Variants in TECRL observed in about 807,000 individuals in gnomAD.
TECRL encodes trans-2,3-enoyl-CoA reductase like.
In TECRL, 63 loss-of-function variants were observed where a neutral mutation model predicts 52.8. The ratio of observed to expected loss-of-function variants is 1.19; its 90% confidence interval spans 0.97 to 1.47. The LOEUF (loss-of-function observed/expected upper bound fraction) is 1.47, where lower values mean the gene tolerates loss of function less well. Ranked by LOEUF, TECRL falls within the 40% of genes most tolerant of loss-of-function variation. TECRL has a pLI of 0.00. For missense variants in TECRL, 482 were observed against 429.6 expected (o/e 1.12, Z -1.08); for synonymous variants, 164 against 141.9 (o/e 1.16, Z -1.10).
intron 8 of TECRL, among the ~76,000 whole-genome samples, chr4:64,294,176 G>A (rs1380341817): frequency 2.0e-5 from 3 of 151,342 alleles, no homozygotes; most frequent in African/African-American, 4.9e-5. Context: ...TAGTAGAGAC[G>A]GGGTTTCACC....
intron 2 of TECRL, among the ~76,000 whole-genome samples, chr4:64,342,608 G>C (rs1276229186): frequency 6.6e-6 from 1 of 151,976 alleles, no homozygotes; most frequent in African/African-American, 2.4e-5. Flanking sequence ...ATTATACTCT[G>C]TTGTTGTTTT....
At chr4:64,313,168 A>T (rs1717182270) in intron 5 of TECRL, among the ~76,000 whole-genome samples, 1 of 152,210 alleles carries the variant, frequency 6.6e-6, no homozygotes, top group African/African-American at 2.4e-5. Flanking sequence ...AAAGGTAGGC[A>T]AAACTTGATT....
chr4:64,402,021 C>A (rs909118376), intron 1 of TECRL, among the ~76,000 whole-genome samples: 1 of 151,972 alleles, frequency 6.6e-6, no homozygotes. Flanking sequence ...ATCATTTTTG[C>A]TATTTTTTTA....
At position 64,304,561 on chromosome 4, in the gene TECRL, T is replaced by C. The variant is rs552280564; in HGVS notation, c.730+605A>G. Among the ~76,000 whole-genome samples, 13 of 152,206 alleles carry C rather than the reference T, an allele frequency of 8.5e-5. No homozygotes were observed. In the South Asian group the frequency reaches 2.7e-3, roughly 32 times the overall value. ...TTTAATTGTTGAGCTTTACATTGTGTGCCTTATGTGCTACAGTAAGAGCTG... is the reference window on the plus strand; with the variant it reads ...TTTAATTGTTGAGCTTTACATTGTGCGCCTTATGTGCTACAGTAAGAGCTG... On this transcript the variant is annotated intron_variant, in intron 7 of 11. Transcript: ENST00000381210.
chr4:64,407,580 T>C (rs965387554), intron 1 of TECRL, among the ~76,000 whole-genome samples: 6 of 151,754 alleles, frequency 4.0e-5, no homozygotes, highest in African/African-American at 1.4e-4. Context: ...TGTCAGGGTC[T>C]ATACACCTGT....
At chr4:64,359,967 G>A (rs969066540) in intron 2 of TECRL, among the ~76,000 whole-genome samples, 1 of 152,106 alleles carries the variant, frequency 6.6e-6, no homozygotes, top group African/African-American at 2.4e-5. Context: ...AGAAATTTAA[G>A]TGATGTACTT....
At chr4:64,363,238 T>G (rs2109623326) in intron 2 of TECRL, among the ~76,000 whole-genome samples, 2 of 152,236 alleles carry the variant, frequency 1.3e-5, no homozygotes, top group African/African-American at 4.8e-5. Context: ...AAAATAATAG[T>G]GGGAAACTTC....
chr4:64,325,528 T>C (rs977880367), intron 3 of TECRL, among the ~76,000 whole-genome samples: 1 of 152,136 alleles, frequency 6.6e-6, no homozygotes, highest in African/African-American at 2.4e-5. Flanking sequence ...ATCTAATAAA[T>C]GATAGTTTTT....
intron 1 of TECRL, among the ~76,000 whole-genome samples, chr4:64,398,372 G>A (rs930180370): frequency 6.6e-6 from 1 of 152,306 alleles, no homozygotes; most frequent in Non-Finnish European, 1.5e-5. Flanking sequence ...CATGGGGTCA[G>A]ATTTCTCGTG....
chr4:64,347,663 A>G (rs553463942), intron 2 of TECRL, among the ~76,000 whole-genome samples: 1 of 152,244 alleles, frequency 6.6e-6, no homozygotes, highest in African/African-American at 2.4e-5. Context: ...TTATAAAGCC[A>G]TCATGTGTCA....
chr4:64,371,067 T>A (rs1343957196), intron 2 of TECRL, among the ~76,000 whole-genome samples: 1 of 151,726 alleles, frequency 6.6e-6, no homozygotes, highest in Non-Finnish European at 1.5e-5. Context: ...TTACCCACAT[T>A]GAATAATCAC....
At chr4:64,378,902 A>ATT (rs778797589) in intron 1 of TECRL, among the ~76,000 whole-genome samples, 15 of 150,468 alleles carry the variant, frequency 1.0e-4, no homozygotes, top group Admixed American at 4.7e-4. Flanking sequence ...AATTTTGTTT[A>ATT]TAAACTAAAT....
chr4:64,376,142 T>C (rs193103812), intron 1 of TECRL, among the ~76,000 whole-genome samples: 1 of 151,916 alleles, frequency 6.6e-6, no homozygotes, highest in Non-Finnish European at 1.5e-5. Context: ...ACATTACATT[T>C]GATGTTTTAT....
intron 3 of TECRL, among the ~76,000 whole-genome samples, chr4:64,325,394 AAC>A (rs1397760727): frequency 2.0e-5 from 3 of 152,316 alleles, no homozygotes; most frequent in Non-Finnish European, 4.4e-5. Flanking sequence ...CTCTTCCAAT[AAC>A]ACAAAAGAAG....
rs55990886 is a variant in TECRL, at chr4:64,355,810, T to A, written c.286+19362A>T. On this transcript the variant is annotated intron_variant, in intron 2 of 11. Transcript: ENST00000381210. Reference sequence around the variant, plus strand: ...ACTCTGTCTCAAAAAAAAAAAAGAATAAGTTAAAACATTAATTATAAAAAT... The same window carrying A: ...ACTCTGTCTCAAAAAAAAAAAAGAAAAAGTTAAAACATTAATTATAAAAAT... Among the ~76,000 whole-genome samples the A allele has an allele frequency of 6.5e-3, 132 of 20,362 alleles. 31 individuals are homozygous for A. The highest frequency in any genetic ancestry group is 0.053 in the Middle Eastern group (2 of 38). The allele number at this position is 20,362 out of a possible 152,430, so 13.4% of individuals were successfully genotyped here.
At chr4:64,290,375 G>T (rs1033554513) in intron 8 of TECRL, among the ~76,000 whole-genome samples, 1 of 152,120 alleles carries the variant, frequency 6.6e-6, no homozygotes, top group African/African-American at 2.4e-5. Context: ...TTCCCAGTTT[G>T]CAACATGTGT....
intron 2 of TECRL, among the ~76,000 whole-genome samples, chr4:64,373,874 T>C (rs1722152522): frequency 6.7e-6 from 1 of 149,806 alleles, no homozygotes; most frequent in African/African-American, 2.4e-5. Context: ...GAAATAACTA[T>C]TAAAATAAAT....
intron 2 of TECRL, among the ~76,000 whole-genome samples, chr4:64,354,659 A>G (rs1720639918): frequency 6.6e-6 from 1 of 152,200 alleles, no homozygotes; most frequent in Non-Finnish European, 1.5e-5. Flanking sequence ...GTTAGATGGA[A>G]TGGGGTCTGA....
At chr4:64,392,167 T>C (rs138057003) in intron 1 of TECRL, among the ~76,000 whole-genome samples, 2 of 152,018 alleles carry the variant, frequency 1.3e-5, no homozygotes, top group Non-Finnish European at 2.9e-5. Flanking sequence ...GAAAAGGTAA[T>C]TAAATTAGGT....
Sources: gnomAD v4.1 joint callset for allele counts (sites outside exome capture counted in the v4.1 genomes callset) on GRCh38, gnomAD v4.1.1 for gene constraint, MANE v1.5 for transcripts, NCBI Gene and HGNC (gene_info 2026-07-23, HGNC 2026-07-21) for gene names.